GON4L: variants seen among roughly 807,000 people sequenced by gnomAD.
The protein encoded by GON4L is gon-4 like.
Under a neutral mutation model 211.8 loss-of-function variants are expected in GON4L, and 87 were observed. The ratio of observed to expected loss-of-function variants is 0.41; its 90% confidence interval spans 0.35 to 0.49. The LOEUF (loss-of-function observed/expected upper bound fraction) is 0.49. Among genes scored for constraint, GON4L ranks in the 20% least tolerant of loss-of-function variants. The pLI is 0.15. For missense variants in GON4L, 2,155 were observed against 2,659.5 expected (o/e 0.81, Z 4.17); for synonymous variants, 875 against 962.6 (o/e 0.91, Z 1.68).
In GON4L at chr1:155,766,685, C is replaced by T; in HGVS notation, c.2788G>A (p.Glu930Lys). Reference protein sequence around the residue: ...LKASLPSIQEELRHMADGARE... With the variant: ...LKASLPSIQEKLRHMADGARE... ...GCACCATCAGCCATGTGCCGCAGTT[C>T]TTCCTGGATGGATGGCAGACTGGCC... Residue 930 changes from glutamate (E) to lysine (K), a missense_variant, in exon 21 of 32, where the codon GAA becomes AAA. Transcript: ENST00000368331. 6.2e-7 allele frequency: 1 copy of T among 1,614,178 alleles called. No individual in the cohort carries two copies. Among genetic ancestry groups the T allele is most frequent in the Non-Finnish European group, 8.5e-7 (1 of 1,180,040 alleles).
At chr1:155,762,527 G>A (rs957110961) in intron 22 of GON4L, among the ~76,000 whole-genome samples, 153 bp from the exon 23 acceptor site, 17 of 152,238 alleles carry the variant, frequency 1.1e-4, no homozygotes, top group Admixed American at 1.1e-3. Flanking sequence ...AACTAAGTCC[G>A]TCAAGTCAGT....
At chr1:155,783,898 T>C in intron 14 of GON4L, 88 bp downstream of exon 14, 1 of 1,576,394 alleles carries the variant, frequency 6.3e-7, no homozygotes, top group East Asian at 2.3e-5. Context: ...TGGTTTGGGA[T>C]GAAAAATTAT....
chr1:155,801,834 G>T (rs1488412334), intron 11 of GON4L, among the ~76,000 whole-genome samples: 2 of 151,048 alleles, frequency 1.3e-5, no homozygotes, highest in Admixed American at 1.3e-4. Context: ...AGTGAGCCGA[G>T]ATCACACCAC....
At chr1:155,832,279 C>CAAAAAAAAAAAAAAAAAAAAAAAA (rs71080731) in intron 2 of GON4L, among the ~76,000 whole-genome samples, 1 of 57,368 alleles carries the variant, frequency 1.7e-5, no homozygotes. Context: ...GACTCCGTCT[C>CAAAAAAAAAAAAAAAAAAAAAAAA]AAAAAAAAAA....
At chr1:155,814,280 T>C (rs750815768) in intron 9 of GON4L, 50 bp downstream of exon 9, 1 of 1,542,592 alleles carries the variant, frequency 6.5e-7, no homozygotes, top group Non-Finnish European at 8.9e-7. Flanking sequence ...AGTTAAAAAA[T>C]CTACTTAGAC....
At chr1:155,785,956 C>T (rs1025312674) in intron 12 of GON4L, among the ~76,000 whole-genome samples, 3 of 152,096 alleles carry the variant, frequency 2.0e-5, no homozygotes, top group East Asian at 3.9e-4. Context: ...ATTAGCCAGC[C>T]GTGGTGGTGG....
At chr1:155,769,129 C>T (rs1438491523) in intron 19 of GON4L, among the ~76,000 whole-genome samples, 1 of 151,788 alleles carries the variant, frequency 6.6e-6, no homozygotes, top group Non-Finnish European at 1.5e-5. Context: ...GTGAGTGGCA[C>T]CATACCTGGT....
Position 155,765,655 on chromosome 1 carries a change from A to G in GON4L, c.3818T>C (p.Leu1273Pro). 2 of 1,614,176 alleles carry G rather than the reference A, an allele frequency of 1.2e-6. No homozygotes were observed. Among genetic ancestry groups the G allele is most frequent in the Non-Finnish European group, 1.7e-6 (2 of 1,180,022 alleles). Residue 1273 changes from leucine (L) to proline (P), a missense_variant, in exon 21 of 32, where the codon CTA becomes CCA. Leu to Pro is a moderately conservative substitution (Grantham distance 98). Around this residue, in one of 6 missense-constraint regions of GON4L, gnomAD observed 615 missense variants for 625.7 expected, o/e 0.98. Transcript: ENST00000368331. ...TCCTTCTTGGCACTCTGCATCTGCT[A>G]GTGGAGGCCCTGGGCTATGTTCCAC... ...PKVEHSPGPP[L>P]ADAECQEGLS...
intron 3 of GON4L, among the ~76,000 whole-genome samples, chr1:155,826,214 A>AG (rs1669202375): frequency 6.6e-6 from 1 of 151,886 alleles, no homozygotes; most frequent in Non-Finnish European, 1.5e-5. Flanking sequence ...CTGTCTTTAA[A>AG]AAAAAAAAGG....
intron 8 of GON4L, among the ~76,000 whole-genome samples, chr1:155,814,986 G>A (rs1668114508): frequency 6.6e-6 from 1 of 151,224 alleles, no homozygotes; most frequent in South Asian, 2.1e-4. Context: ...GGTAGCGCAC[G>A]CCTGTTAATT....
At chr1:155,749,131 A>T (rs1419167821), downstream of GON4L, among the ~76,000 whole-genome samples, 1 of 152,158 alleles carries the variant, frequency 6.6e-6, no homozygotes, top group African/African-American at 2.4e-5. Context: ...ACATGCCTGC[A>T]ATCCCAGCTA....
intron 29 of GON4L, among the ~76,000 whole-genome samples, 168 bp from the exon 30 acceptor site, chr1:155,752,758 C>T (rs1286523859): frequency 1.3e-5 from 2 of 152,146 alleles, no homozygotes; most frequent in African/African-American, 4.8e-5. Context: ...AGTGGTGGGA[C>T]TGCCAGGGGT....
intron 12 of GON4L, among the ~76,000 whole-genome samples, chr1:155,789,344 T>G (rs1051885669): frequency 6.6e-5 from 10 of 151,858 alleles, no homozygotes; most frequent in Non-Finnish European, 1.2e-4. Flanking sequence ...CGTGCTGAAG[T>G]GGTTAAAAGT....
Position 155,809,879 on chromosome 1 carries a change from A to G in GON4L, c.1452+3755T>C. ...AAATTATATACTTATATATAATTAT[A>G]AATTATATACATATATATAATTATA... On this transcript the variant is annotated intron_variant, in intron 10 of 31. Transcript: ENST00000368331. Among the ~76,000 whole-genome samples, 2 of 16,852 alleles carry G rather than the reference A, an allele frequency of 1.2e-4. 1 individual carries two copies. The highest frequency in any genetic ancestry group is 3.8e-4 in the Non-Finnish European group (2 of 5,266). The allele number at this position is 16,852 out of a possible 152,430, so 11.1% of individuals were successfully genotyped here. A position where few individuals can be genotyped will look rare whatever the true frequency, so the allele number is the denominator to read the frequency against.
rs748834746 is a variant in GON4L at position 155,752,180 on chromosome 1, C to T, written c.6253G>A (p.Val2085Met). ...ERWLPSSRAR[V>M]KTRDRTCPVH... ...GGGCACGTCCTGTCTCTTGTCTTCA[C>T]CCGAGCTCTGCTTGAGGGCAGCCAT... Residue 2085 changes from valine to methionine, a missense_variant, in exon 30 of 32, where the codon GTG becomes ATG. By Grantham distance (21) the Val-to-Met change is conservative (BLOSUM62 1). Coordinates refer to ENST00000368331, the MANE Select transcript of GON4L (RefSeq NM_001282860.2). 6.2e-7 allele frequency: 1 copy of T among 1,613,558 alleles called. No homozygotes were observed. Among genetic ancestry groups the T allele is most frequent in the South Asian group, 1.1e-5 (1 of 91,066 alleles).
chr1:155,818,561 CA>C (rs949351880), intron 6 of GON4L, among the ~76,000 whole-genome samples: 6 of 152,090 alleles, frequency 3.9e-5, no homozygotes, highest in African/African-American at 1.4e-4. Flanking sequence ...TCAACCAGAC[CA>C]AAAAAAGTGA....
chr1:155,783,019 T>C (rs1305173099), intron 14 of GON4L, among the ~76,000 whole-genome samples: 3 of 152,196 alleles, frequency 2.0e-5, no homozygotes, highest in Non-Finnish European at 2.9e-5. Context: ...AACACGTTTA[T>C]AGATCAAATC....
chr1:155,844,098 T>C (rs1671017674), intron 2 of GON4L, among the ~76,000 whole-genome samples: 1 of 152,180 alleles, frequency 6.6e-6, no homozygotes, highest in Non-Finnish European at 1.5e-5. Context: ...AGGATTAATT[T>C]TTACAGGAAT....
chr1:155,776,570 A>G, intron 15 of GON4L, 89 bp from the exon 16 acceptor site: 1 of 1,023,236 alleles, frequency 9.8e-7, no homozygotes, highest in Non-Finnish European at 1.5e-6. Context: ...TTCTTCTTGG[A>G]GAAAGGATCT....
Sources: gnomAD v4.1 joint callset for allele counts (sites outside exome capture counted in the v4.1 genomes callset) on GRCh38, gnomAD v4.1.1 for gene constraint, gnomAD v4.1.1 regional missense constraint, MANE v1.5 for transcripts, NCBI Gene and HGNC (gene_info 2026-07-23, HGNC 2026-07-21) for gene names.